The following SORCS3 variants were observed in gnomAD, a reference collection of about 807,000 sequenced individuals.
The protein encoded by SORCS3 is VPS10 domain-containing receptor SorCS3.
Under a neutral mutation model 146.3 loss-of-function variants are expected in SORCS3, and 57 were observed. That is an observed-to-expected ratio of 0.39 (90% CI 0.31 to 0.49). The LOEUF is 0.49. Among genes scored for constraint, SORCS3 ranks in the 20% least tolerant of loss-of-function variants. The pLI is 0.92. For missense variants in SORCS3, 1,341 were observed against 1,575.5 expected (o/e 0.85, Z 2.52); for synonymous variants, 653 against 618.5 (o/e 1.06, Z -0.83).
chr10:105,228,999 A>AT (rs1486591544), intron 20 of SORCS3, among the ~76,000 whole-genome samples: 2 of 152,078 alleles, frequency 1.3e-5, no homozygotes, highest in African/African-American at 4.8e-5. Context: ...ATATTTGCTC[A>AT]TTTTATCATG....
chr10:105,108,829 A>G (rs1348258608), intron 7 of SORCS3, among the ~76,000 whole-genome samples: 2 of 152,134 alleles, frequency 1.3e-5, no homozygotes, highest in African/African-American at 4.8e-5. Flanking sequence ...TTGCAGGTAG[A>G]CAACTACATA....
intron 3 of SORCS3, among the ~76,000 whole-genome samples, chr10:104,934,602 A>G (rs1353864668): frequency 6.6e-6 from 1 of 152,156 alleles, no homozygotes; most frequent in Non-Finnish European, 1.5e-5. Context: ...AAGTGCACTC[A>G]TTTTATCCAT....
chr10:105,243,580 ACCCATGTG>A (rs758223877), intron 20 of SORCS3, among the ~76,000 whole-genome samples: 20 of 152,162 alleles, frequency 1.3e-4, no homozygotes, highest in Non-Finnish European at 2.5e-4. Flanking sequence ...AGAAGGTCAC[ACCCATGTG>A]TGTGTCATCA....
chr10:105,076,264 A>G (rs1351141069), intron 5 of SORCS3, among the ~76,000 whole-genome samples: 1 of 152,160 alleles, frequency 6.6e-6, no homozygotes, highest in East Asian at 1.9e-4. Context: ...TCCTCTCTGA[A>G]CCACTGGACT....
intron 1 of SORCS3, among the ~76,000 whole-genome samples, chr10:104,784,416 C>G (rs1480058285): frequency 6.6e-6 from 1 of 152,190 alleles, no homozygotes; most frequent in East Asian, 1.9e-4. Flanking sequence ...AGAAACTGTT[C>G]TAGAAATAGG....
chr10:105,245,001 G>A (rs1174000276), intron 20 of SORCS3, among the ~76,000 whole-genome samples: 10 of 151,240 alleles, frequency 6.6e-5, no homozygotes, highest in East Asian at 1.9e-4. Flanking sequence ...CCCAGGAGGC[G>A]GAGGTTGCAG....
At chr10:105,049,147 AC>A (rs2055394274) in intron 5 of SORCS3, among the ~76,000 whole-genome samples, 1 of 152,042 alleles carries the variant, frequency 6.6e-6, no homozygotes, top group South Asian at 2.1e-4. Context: ...CAATAATAAG[AC>A]CCCAATTCAA....
intron 1 of SORCS3, among the ~76,000 whole-genome samples, chr10:104,777,744 G>T (rs2017326034): frequency 6.6e-6 from 1 of 152,210 alleles, no homozygotes; most frequent in Non-Finnish European, 1.5e-5. Context: ...TTGTGTGTGA[G>T]TGTGTGTCGG....
At chr10:105,190,399 A>C (rs2056508780) in intron 14 of SORCS3, among the ~76,000 whole-genome samples, 3 of 152,188 alleles carry the variant, frequency 2.0e-5, no homozygotes, top group African/African-American at 7.2e-5. Flanking sequence ...TAATATTAGT[A>C]ATATTAATTG....
chr10:105,116,157 C>A (rs1393766482), intron 7 of SORCS3, among the ~76,000 whole-genome samples: 1 of 152,170 alleles, frequency 6.6e-6, no homozygotes, highest in East Asian at 1.9e-4. Context: ...GATCTGATTG[C>A]AAAGTAATGA....
intron 1 of SORCS3, among the ~76,000 whole-genome samples, chr10:104,695,812 C>T (rs1306960144): frequency 6.6e-6 from 1 of 151,070 alleles, no homozygotes; most frequent in Non-Finnish European, 1.5e-5. Flanking sequence ...GTGCATAATA[C>T]TCCATTAAAT....
intron 4 of SORCS3, among the ~76,000 whole-genome samples, chr10:105,009,688 T>C (rs1489047555): frequency 6.6e-6 from 1 of 152,140 alleles, no homozygotes; most frequent in Non-Finnish European, 1.5e-5. Flanking sequence ...TATGACTTTT[T>C]CAATAATTTT....
intron 3 of SORCS3, among the ~76,000 whole-genome samples, chr10:104,942,293 C>T (rs2019328182): frequency 6.6e-6 from 1 of 152,066 alleles, no homozygotes; most frequent in Non-Finnish European, 1.5e-5. Context: ...CAGTATTAAT[C>T]AGATGAAAGG....
At chr10:104,784,557 G>C (rs752390999) in intron 1 of SORCS3, among the ~76,000 whole-genome samples, 3 of 152,194 alleles carry the variant, frequency 2.0e-5, no homozygotes, top group African/African-American at 7.2e-5. Context: ...CACCCAGATA[G>C]TAATTCCCTG....
chr10:105,150,313 C>G (rs1377014), intron 9 of SORCS3, among the ~76,000 whole-genome samples: 67,650 of 151,992 alleles, frequency 0.45, 16,065 homozygotes, highest in Non-Finnish European at 0.53. Context: ...TTCATCCATT[C>G]AGTCCCAGAC....
chr10:104,734,134 A>G (rs1196022633), intron 1 of SORCS3, among the ~76,000 whole-genome samples: 1 of 152,066 alleles, frequency 6.6e-6, no homozygotes, highest in African/African-American at 2.4e-5. Flanking sequence ...TGTAAACAAA[A>G]TTTGTCTACT....
chr10:105,063,674 C>T (rs2055502927), intron 5 of SORCS3, among the ~76,000 whole-genome samples: 1 of 152,154 alleles, frequency 6.6e-6, no homozygotes. Context: ...TTGTTTGGGC[C>T]TTGCAAGGTA....
intron 8 of SORCS3, among the ~76,000 whole-genome samples, chr10:105,142,195 A>G (rs1379892050): frequency 4.6e-5 from 7 of 152,196 alleles, no homozygotes; most frequent in African/African-American, 9.7e-5. Flanking sequence ...TGTTTCTACA[A>G]GAGAAAATAT....
At chr10:105,058,192 G>A (rs540149595) in intron 5 of SORCS3, among the ~76,000 whole-genome samples, 2 of 152,330 alleles carry the variant, frequency 1.3e-5, no homozygotes, top group South Asian at 4.1e-4. Flanking sequence ...CAAGGAGACT[G>A]AAGCATTGAA....
Sources: gnomAD v4.1 joint callset for allele counts (sites outside exome capture counted in the v4.1 genomes callset) on GRCh38, gnomAD v4.1.1 for gene constraint, MANE v1.5 for transcripts, NCBI Gene and HGNC (gene_info 2026-07-23, HGNC 2026-07-21) for gene names.